PCDHB6: variants seen among roughly 807,000 people sequenced by gnomAD.
PCDHB6 encodes protocadherin beta 6, also known as protocadherin beta-6.
For missense variants in PCDHB6, 1,137 were observed against 1,010.1 expected, an observed-to-expected ratio of 1.13 and a Z score of -1.70; for synonymous variants, 506 against 459.0, an observed-to-expected ratio of 1.10 and a Z score of -1.31.
Position 141,150,482 on chromosome 5 carries a change from G to A in PCDHB6, c.225G>A (p.Gln75=). ...VVFKGNRQHL[Q]FDPQTHDLLL... ...TCAAAGGGAACAGACAACATTTGCA[G>A]TTTGATCCACAGACCCATGATTTAC... is the stretch of plus-strand genomic sequence containing the variant. The change falls in exon 1 of 1, where the codon CAG becomes CAA. Residue 75 remains glutamine, a synonymous_variant. Transcript: ENST00000231136. 1 of 1,614,120 alleles carries A rather than the reference G, an allele frequency of 6.2e-7. No individual in the cohort carries two copies. Among genetic ancestry groups the A allele is most frequent in the Non-Finnish European group, 8.5e-7 (1 of 1,180,028 alleles).
Position 141,151,999 on chromosome 5 carries a change from G to A in PCDHB6, c.1742G>A (p.Gly581Asp). The A allele has an allele frequency of 1.2e-6, 2 of 1,609,514 alleles. No individual in the cohort carries two copies. Among genetic ancestry groups the A allele is most frequent in the Admixed American group, 1.7e-5 (1 of 59,960 alleles). Residue 581 changes from glycine to aspartate, a missense_variant, in exon 1 of 1, where the codon GGC becomes GAC. Transcript: ENST00000231136. Reference protein sequence around the residue: ...TELVPRAAEPGYLVTKVVAVD... With the variant: ...TELVPRAAEPDYLVTKVVAVD... ...CTGGTGCCCCGGGCGGCCGAGCCGG[G>A]CTACCTGGTGACCAAGGTGGTGGCG...
Position 141,150,873 on chromosome 5 carries a change from C to A in PCDHB6, c.616C>A (p.Gln206Lys). 1 of 1,614,204 alleles carries A rather than the reference C, an allele frequency of 6.2e-7. No homozygotes were observed. The highest frequency in any genetic ancestry group is 2.2e-5 in the East Asian group (1 of 44,868). Residue 206 changes from glutamine to lysine, a missense_variant, in exon 1 of 1, where the codon CAA becomes AAA. By Grantham distance (53) the Gln-to-Lys change is moderately conservative. Coordinates refer to ENST00000231136, the MANE Select transcript of PCDHB6 (RefSeq NM_018939.4). Reference sequence around the variant, plus strand: ...ACCGTTGGACCGCGAGGAGCAGCCCCAACTCAGGCTAACGCTGATCGCGCT... The same window carrying A: ...ACCGTTGGACCGCGAGGAGCAGCCCAAACTCAGGCTAACGCTGATCGCGCT... ...DKPLDREEQPQLRLTLIALDG... is the reference protein window; with the variant it reads ...DKPLDREEQPKLRLTLIALDG...
Position 141,152,954 on chromosome 5 carries a change from TG to T in PCDHB6, c.*314del, listed in dbSNP as rs2149643137. 4.5e-6 allele frequency: 1 copy of T among 222,180 alleles called. No homozygotes were observed. Among genetic ancestry groups the T allele is most frequent in the Non-Finnish European group, 9.5e-6 (1 of 104,900 alleles). 13.8% of individuals were successfully genotyped at this position (222,180 alleles called of 1,614,324 possible). A position where few individuals can be genotyped will look rare whatever the true frequency, so the allele number is the denominator to read the frequency against. ...TAAGTAAAATTGTATTTCTAGCTAT[TG>T]GTAAGAGTTGTTTCACTATTGCTAT... On this transcript the variant is annotated 3_prime_UTR_variant, in exon 1 of 1. Transcript: ENST00000231136.
Position 141,151,581 on chromosome 5 carries a change from G to A in PCDHB6, c.1324G>A (p.Val442Ile). The A allele has an allele frequency of 1.9e-6, 3 of 1,614,000 alleles. No homozygotes were observed. Among genetic ancestry groups the A allele is most frequent in the Non-Finnish European group, 2.5e-6 (3 of 1,180,020 alleles). Reference sequence around the variant, plus strand: ...GAGCATAACTGTGCAGGTCTCCGACGTCAATGACAACGCCCCCGCCTTCAC... The same window carrying A: ...GAGCATAACTGTGCAGGTCTCCGACATCAATGACAACGCCCCCGCCTTCAC... ...QQSITVQVSD[V>I]NDNAPAFTQT... Residue 442 changes from valine to isoleucine, a missense_variant, in exon 1 of 1, where the codon GTC (valine) becomes ATC (isoleucine). By Grantham distance (29) the Val-to-Ile change is conservative. Transcript: ENST00000231136.
chr5:141,152,802 G>T lies in PCDHB6; in HGVS notation c.*160G>T. 1 of 580,126 alleles carries T rather than the reference G, an allele frequency of 1.7e-6. No individual in the cohort carries two copies. The highest frequency in any genetic ancestry group is 2.8e-6 in the Non-Finnish European group (1 of 355,572). The allele number at this position is 580,126 out of a possible 1,614,324, so 35.9% of individuals were successfully genotyped here. On this transcript the variant is annotated 3_prime_UTR_variant, in exon 1 of 1. Transcript: ENST00000231136. ...TAGTATTTCCTGTTCATGCTTAGTAGTTTATTACTTCACTTGAGGGTACTT... is the reference window on the plus strand; with the variant it reads ...TAGTATTTCCTGTTCATGCTTAGTATTTTATTACTTCACTTGAGGGTACTT...
rs555833897 is a variant in PCDHB6 at position 141,150,638 on chromosome 5, C to G, written c.381C>G (p.Asp127Glu). Residue 127 changes from aspartate (D) to glutamate (E), a missense_variant, in exon 1 of 1, where the codon GAC becomes GAG. Transcript: ENST00000231136. The part of the protein sequence containing the change: ...QASLRVRDIN[D>E]HAPEFPAREM... ...CCTTGCGAGTCAGAGATATAAATGA[C>G]CACGCCCCGGAATTCCCTGCCAGAG... The G allele has an allele frequency of 2.5e-6, 4 of 1,614,090 alleles. No individual in the cohort carries two copies. In the African/African-American group the frequency reaches 5.3e-5, roughly 22 times the overall value.
At position 141,151,536 on chromosome 5, in the gene PCDHB6, C is replaced by A; in HGVS notation, c.1279C>A (p.Pro427Thr). 1 of 1,614,166 alleles carries A rather than the reference C, an allele frequency of 6.2e-7. No individual in the cohort carries two copies. The highest frequency in any genetic ancestry group is 8.5e-7 in the Non-Finnish European group (1 of 1,180,042). ...TATCACGGTCACTGATTTGGGGACACCAAGGCTGAAAACCCAGCAGAGCAT... is the reference window on the plus strand; with the variant it reads ...TATCACGGTCACTGATTTGGGGACAACAAGGCTGAAAACCCAGCAGAGCAT... ...ITITVTDLGT[P>T]RLKTQQSITV... Residue 427 changes from proline (P) to threonine (T), a missense_variant, in exon 1 of 1, where the codon CCA becomes ACA. Transcript: ENST00000231136.
rs61740378 is a variant in PCDHB6 at position 141,152,307 on chromosome 5, C to G, written c.2050C>G (p.Leu684Val). ...CCCGGCCCAAGCCCAGGCCGACTCT[C>G]TCACCGTCTACCTGGTGGTGGCGTT... ...AAPAQAQADS[L>V]TVYLVVALAS... The change falls in exon 1 of 1, where the codon CTC (leucine) becomes GTC (valine). Residue 684 changes from leucine (L) to valine (V), a missense_variant. Leu to Val is a conservative substitution (Grantham distance 32). Transcript: ENST00000231136. 5 of 1,609,040 alleles carry G rather than the reference C, an allele frequency of 3.1e-6. No homozygotes were observed. Among genetic ancestry groups the G allele is most frequent in the Non-Finnish European group, 2.5e-6 (3 of 1,179,828 alleles).
In PCDHB6 at chr5:141,151,536, C is replaced by T; in HGVS notation, c.1279C>T (p.Pro427Ser). The change falls in exon 1 of 1, where the codon CCA becomes TCA. Residue 427 changes from proline (P) to serine (S), a missense_variant. Coordinates refer to ENST00000231136, the MANE Select transcript of PCDHB6 (RefSeq NM_018939.4). ...TATCACGGTCACTGATTTGGGGACACCAAGGCTGAAAACCCAGCAGAGCAT... is the reference window on the plus strand; with the variant it reads ...TATCACGGTCACTGATTTGGGGACATCAAGGCTGAAAACCCAGCAGAGCAT... ...ITITVTDLGT[P>S]RLKTQQSITV... is the part of the protein sequence containing the mutation. 6.2e-7 allele frequency: 1 copy of T among 1,614,166 alleles called. No homozygotes were observed. Among genetic ancestry groups the T allele is most frequent in the Non-Finnish European group, 8.5e-7 (1 of 1,180,042 alleles).
In PCDHB6 at chr5:141,151,328, C is replaced by G; in HGVS notation, c.1071C>G (p.Asn357Lys). The G allele has an allele frequency of 6.2e-7, 1 of 1,614,202 alleles. No individual in the cohort carries two copies. ...MSFFISLIPE[N>K]LPEITVAVFS... ...TCTTCATCAGCCTCATCCCAGAAAA[C>G]TTACCAGAGATCACAGTGGCAGTTT... The change falls in exon 1 of 1, where the codon AAC becomes AAG. Residue 357 changes from asparagine to lysine, a missense_variant. Asn to Lys is a moderately conservative substitution (Grantham distance 94). Transcript: ENST00000231136.
In PCDHB6 at chr5:141,151,229, C is replaced by T; in HGVS notation, c.972C>T (p.Gly324=). The T allele has an allele frequency of 1.2e-6, 2 of 1,614,110 alleles. No individual in the cohort carries two copies. Among genetic ancestry groups the T allele is most frequent in the Non-Finnish European group, 8.5e-7 (1 of 1,180,030 alleles). The change falls in exon 1 of 1, where the codon GGC becomes GGT. Residue 324 remains glycine, a synonymous_variant. Coordinates refer to ENST00000231136, the MANE Select transcript of PCDHB6 (RefSeq NM_018939.4). ...DVDVEATDGG[G]LSGKCSLVVR... ...ATGTTGAGGCTACAGATGGTGGAGG[C>T]CTATCAGGAAAATGCTCTTTAGTCG... is the stretch of plus-strand genomic sequence containing the variant.
rs969039332 is a variant in PCDHB6, at chr5:141,150,528, C to G, written c.271C>G (p.Arg91Gly). The change falls in exon 1 of 1, where the codon CGG (arginine) becomes GGG (glycine). Residue 91 changes from arginine (R) to glycine (G), a missense_variant. Arg to Gly is a moderately radical substitution (Grantham distance 125). Transcript: ENST00000231136. ...HDLLLNEKLD[R>G]EELCGSTEPC... ...TTTACTGCTAAATGAAAAACTGGAC[C>G]GGGAGGAGCTGTGTGGCTCCACTGA... is the stretch of plus-strand genomic sequence containing the variant. The G allele has an allele frequency of 3.1e-6, 5 of 1,613,960 alleles. No homozygotes were observed. Among genetic ancestry groups the G allele is most frequent in the Middle Eastern group, 3.3e-4 (2 of 6,084 alleles).
rs782020814 is a variant in PCDHB6, at chr5:141,150,414, C to A, written c.157C>A (p.Leu53Met). ...FVANLTKDLG[L>M]RVGELASRGA... is the part of the protein sequence containing the mutation. ...GGCCAACTTGACAAAGGACCTGGGA[C>A]TGAGGGTGGGGGAGCTGGCTTCGCG... Residue 53 changes from leucine to methionine, a missense_variant, in exon 1 of 1, where the codon CTG (leucine) becomes ATG (methionine). By Grantham distance (15) the Leu-to-Met change is conservative. Coordinates refer to ENST00000231136, the MANE Select transcript of PCDHB6 (RefSeq NM_018939.4). 2.5e-6 allele frequency: 4 copies of A among 1,614,002 alleles called. No homozygotes were observed. The highest frequency in any genetic ancestry group is 2.5e-6 in the Non-Finnish European group (3 of 1,180,006).
Position 141,151,358 on chromosome 5 carries a change from T to G in PCDHB6, c.1101T>G (p.Ser367Arg), listed in dbSNP as rs1554277674. The change falls in exon 1 of 1, where the codon AGT (serine) becomes AGG (arginine). Residue 367 changes from serine (S) to arginine (R), a missense_variant. Transcript: ENST00000231136. ...NLPEITVAVF[S>R]VSDADSGHNQ... ...CAGAGATCACAGTGGCAGTTTTCAGTGTTTCAGATGCAGACTCTGGACATA... is the reference window on the plus strand; with the variant it reads ...CAGAGATCACAGTGGCAGTTTTCAGGGTTTCAGATGCAGACTCTGGACATA... 1 of 1,614,148 alleles carries G rather than the reference T, an allele frequency of 6.2e-7. No individual in the cohort carries two copies. The highest frequency in any genetic ancestry group is 1.7e-5 in the Admixed American group (1 of 60,018).
rs1380464496 is a variant in PCDHB6 at position 141,153,167 on chromosome 5, A to C, written c.*525A>C. 1 of 166,968 alleles carries C rather than the reference A, an allele frequency of 6.0e-6. No homozygotes were observed. Among genetic ancestry groups the C allele is most frequent in the Non-Finnish European group, 1.5e-5 (1 of 68,138 alleles). 10.3% of individuals were successfully genotyped at this position (166,968 alleles called of 1,614,324 possible). On this transcript the variant is annotated 3_prime_UTR_variant, in exon 1 of 1. Transcript: ENST00000231136. ...CAATCCAAAATTTTTGTGACTATAG[A>C]CTTTACTGAAGTGTCAACACATTAG...
In PCDHB6 at chr5:141,151,947, C is replaced by A. The variant is rs1434750265; in HGVS notation, c.1690C>A (p.Gln564Lys). The change falls in exon 1 of 1, where the codon CAG becomes AAG. Residue 564 changes from glutamine (Q) to lysine (K), a missense_variant. By Grantham distance (53) the Gln-to-Lys change is moderately conservative. Coordinates refer to ENST00000231136, the MANE Select transcript of PCDHB6 (RefSeq NM_018939.4). Reference protein sequence around the residue: ...DNSPFVLYPLQNGSAPCTELV... With the variant: ...DNSPFVLYPLKNGSAPCTELV... ...CTCGCCCTTCGTGTTGTACCCGCTG[C>A]AGAACGGCTCCGCGCCCTGCACCGA... 6.2e-7 allele frequency: 1 copy of A among 1,611,060 alleles called. No homozygotes were observed. Among genetic ancestry groups the A allele is most frequent in the Non-Finnish European group, 8.5e-7 (1 of 1,179,738 alleles).
At position 141,152,088 on chromosome 5, in the gene PCDHB6, G is replaced by A. The variant is rs1233587812; in HGVS notation, c.1831G>A (p.Gly611Ser). 17 of 1,606,632 alleles carry A rather than the reference G, an allele frequency of 1.1e-5. No homozygotes were observed. The highest frequency in any genetic ancestry group is 1.4e-5 in the Non-Finnish European group (17 of 1,179,678). Residue 611 changes from glycine (G) to serine (S), a missense_variant, in exon 1 of 1, where the codon GGT becomes AGT. Coordinates refer to ENST00000231136, the MANE Select transcript of PCDHB6 (RefSeq NM_018939.4). Reference sequence around the variant, plus strand: ...CCAGCTGCTCAAGGCCACGGAGCTCGGTCTGTTCGGCGTGTGGGCGCACAA... The same window carrying A: ...CCAGCTGCTCAAGGCCACGGAGCTCAGTCTGTTCGGCGTGTGGGCGCACAA... ...SYQLLKATEL[G>S]LFGVWAHNGE...
At position 141,152,328 on chromosome 5, in the gene PCDHB6, G is replaced by T; in HGVS notation, c.2071G>T (p.Ala691Ser). The change falls in exon 1 of 1, where the codon GCG becomes TCG. Residue 691 changes from alanine (A) to serine (S), a missense_variant. Coordinates refer to ENST00000231136, the MANE Select transcript of PCDHB6 (RefSeq NM_018939.4). ...ADSLTVYLVV[A>S]LASVSSLFLF... is the part of the protein sequence containing the mutation. ...CTCTCTCACCGTCTACCTGGTGGTGGCGTTGGCCTCGGTGTCGTCGCTCTT... is the reference window on the plus strand; with the variant it reads ...CTCTCTCACCGTCTACCTGGTGGTGTCGTTGGCCTCGGTGTCGTCGCTCTT... The T allele has an allele frequency of 4.3e-6, 7 of 1,609,380 alleles. No individual in the cohort carries two copies. Among genetic ancestry groups the T allele is most frequent in the Non-Finnish European group, 5.1e-6 (6 of 1,179,860 alleles).
In PCDHB6 at chr5:141,151,015, A is replaced by T; in HGVS notation, c.758A>T (p.Asn253Ile). Residue 253 changes from asparagine (N) to isoleucine (I), a missense_variant, in exon 1 of 1, where the codon AAC (asparagine) becomes ATC (isoleucine). By Grantham distance (149) the Asn-to-Ile change is moderately radical. Transcript: ENST00000231136. ...CTCTATGAAGCACAAGTCCCTGAGA[A>T]CAACCCCCTCGGCTCTCTGGTTATT... ...QELYEAQVPENNPLGSLVITV... is the reference protein window; with the variant it reads ...QELYEAQVPEINPLGSLVITV... 6.2e-7 allele frequency: 1 copy of T among 1,614,184 alleles called. No individual in the cohort carries two copies.
Sources: gnomAD v4.1 joint callset for allele counts on GRCh38, gnomAD v4.1.1 for gene constraint, MANE v1.5 for transcripts, NCBI Gene and HGNC (gene_info 2026-07-23, HGNC 2026-07-21) for gene names.